The following KALRN variants were observed in gnomAD, a reference collection of about 807,000 sequenced individuals.
The protein encoded by KALRN is kalirin RhoGEF kinase, also known as kalirin.
In KALRN, 70 loss-of-function variants were observed where a neutral mutation model predicts 353.7. The observed-to-expected ratio is 0.20, with a 90% CI of 0.16 to 0.24. The LOEUF (loss-of-function observed/expected upper bound fraction) is 0.24. KALRN is among the 10% of genes least tolerant of loss of function. The pLI is 1.00. For missense variants in KALRN, 2,791 were observed against 3,756.7 expected (o/e 0.74, Z 6.72); for synonymous variants, 1,391 against 1,434.8 (o/e 0.97, Z 0.69).
chr3:124,425,154 G>A (rs995340451), intron 15 of KALRN, among the ~76,000 whole-genome samples: 3 of 152,154 alleles, frequency 2.0e-5, no homozygotes, highest in Admixed American at 6.6e-5. Context: ...ATAAAGAGAG[G>A]TTGGTTAATG....
chr3:124,298,022 C>G (rs1407629290), intron 5 of KALRN, among the ~76,000 whole-genome samples: 3 of 152,210 alleles, frequency 2.0e-5, no homozygotes, highest in Non-Finnish European at 2.9e-5. Context: ...ATTCTTATAT[C>G]TGAGACAATC....
intron 1 of KALRN, among the ~76,000 whole-genome samples, chr3:124,212,484 A>T (rs765113708): frequency 3.9e-5 from 6 of 152,200 alleles, no homozygotes; most frequent in East Asian, 1.9e-4. Flanking sequence ...TATTTAATTT[A>T]TACCTATTTC....
At chr3:124,128,238 A>G (rs2064902427) in intron 1 of KALRN, among the ~76,000 whole-genome samples, 2 of 152,184 alleles carry the variant, frequency 1.3e-5, no homozygotes, top group African/African-American at 4.8e-5. Context: ...TTATCAGTGG[A>G]ATAAGATCAG....
chr3:124,718,509 A>G (rs924782245), intron 59 of KALRN, among the ~76,000 whole-genome samples: 2 of 152,204 alleles, frequency 1.3e-5, no homozygotes, highest in African/African-American at 2.4e-5. Flanking sequence ...CAGAGCCACA[A>G]TGACATCTGG....
At chr3:124,325,139 G>A (rs1373889286) in intron 6 of KALRN, among the ~76,000 whole-genome samples, 1 of 152,114 alleles carries the variant, frequency 6.6e-6, no homozygotes, top group African/African-American at 2.4e-5. Flanking sequence ...CAGCATACAT[G>A]TTCATGAATT....
chr3:124,224,095 A>G (rs1404616921), intron 1 of KALRN, among the ~76,000 whole-genome samples: 1 of 151,892 alleles, frequency 6.6e-6, no homozygotes. Flanking sequence ...GTCCTTAAGA[A>G]GAGGCACAAC....
At chr3:124,178,532 C>T (rs2073107219) in intron 1 of KALRN, among the ~76,000 whole-genome samples, 1 of 152,126 alleles carries the variant, frequency 6.6e-6, no homozygotes, top group Admixed American at 6.5e-5. Context: ...GGCTACAGAC[C>T]TGTGTAGCAT....
chr3:124,319,048 G>A (rs1435155661), intron 6 of KALRN, among the ~76,000 whole-genome samples: 3 of 151,994 alleles, frequency 2.0e-5, no homozygotes, highest in Non-Finnish European at 4.4e-5. Context: ...TCTACTATAT[G>A]TAAATTGTAC....
rs184371766 is a variant in KALRN at position 124,201,316 on chromosome 3, C to T, written c.74-26674C>T. ...TAGGATTCTGAAGTCTGGGAAGTCCCGGCTGAACTTGGGCTCAGAAGCTGG... is the reference window on the plus strand; with the variant it reads ...TAGGATTCTGAAGTCTGGGAAGTCCTGGCTGAACTTGGGCTCAGAAGCTGG... On this transcript the variant is annotated intron_variant, in intron 1 of 59. Coordinates refer to ENST00000682506, the MANE Select transcript of KALRN (RefSeq NM_001388419.1). Among the ~76,000 whole-genome samples the T allele has an allele frequency of 8.9e-4, 135 of 152,308 alleles. 1 individual carries two copies. Among genetic ancestry groups the T allele is most frequent in the African/African-American group, 2.9e-3 (122 of 41,568 alleles).
intron 1 of KALRN, among the ~76,000 whole-genome samples, chr3:124,083,629 C>T (rs1230351347): frequency 1.3e-5 from 2 of 152,160 alleles, no homozygotes; most frequent in East Asian, 1.9e-4. Context: ...TTACAGAAAA[C>T]GGAGGCACAA....
intron 1 of KALRN, among the ~76,000 whole-genome samples, chr3:124,176,872 G>A (rs567061263): frequency 2.6e-5 from 4 of 152,302 alleles, no homozygotes; most frequent in African/African-American, 9.6e-5. Context: ...CAGACTGTTG[G>A]TGTTGGGAGG....
chr3:124,384,652 G>C (rs2087921549), intron 10 of KALRN, 193 bp from the exon 11 acceptor site: 3 of 495,962 alleles, frequency 6.0e-6, no homozygotes, highest in African/African-American at 3.9e-5. Flanking sequence ...GAGGCACCTA[G>C]CTGGTGCCCG....
chr3:124,410,237 T>A (rs752244463), intron 13 of KALRN: 1 of 533,314 alleles, frequency 1.9e-6, no homozygotes, highest in South Asian at 1.4e-5. Context: ...CTCCATAGAT[T>A]CCTGGCTATG....
At chr3:124,228,630 C>T (rs1241339965) in intron 2 of KALRN, among the ~76,000 whole-genome samples, 1 of 152,140 alleles carries the variant, frequency 6.6e-6, no homozygotes, top group African/African-American at 2.4e-5. Context: ...GGGCCATCCA[C>T]CAGTTTTTAT....
chr3:124,395,620 CA>C (rs1206806392), intron 12 of KALRN: 46 of 401,748 alleles, frequency 1.1e-4, no homozygotes, highest in South Asian at 5.3e-4. Flanking sequence ...TAACAAAAGA[CA>C]AAAAAAACAA....
At chr3:124,360,362 G>A (rs2083894726) in intron 10 of KALRN, among the ~76,000 whole-genome samples, 1 of 152,224 alleles carries the variant, frequency 6.6e-6, no homozygotes, top group Non-Finnish European at 1.5e-5. Context: ...ATGTCACTGG[G>A]CTGGAGCTGA....
chr3:124,594,435 A>C (rs916624764), intron 34 of KALRN, among the ~76,000 whole-genome samples: 5 of 152,224 alleles, frequency 3.3e-5, no homozygotes, highest in African/African-American at 4.8e-5. Flanking sequence ...CATGTTGGCC[A>C]GGATGGTCTC....
At chr3:124,278,734 A>G (rs6790308) in intron 5 of KALRN, among the ~76,000 whole-genome samples, 29,888 of 152,070 alleles carry the variant, frequency 0.2, 3,029 homozygotes, top group South Asian at 0.3. Flanking sequence ...CAAAGTATCC[A>G]CTTCTATTTC....
rs1578668665 is a variant in KALRN, at chr3:124,152,174, A to T, written c.74-75816A>T. On this transcript the variant is annotated intron_variant, in intron 1 of 59. Transcript: ENST00000682506. ...GATGATGCAAGAGATCGAACAATCA[A>T]AGTGTTATCTGTCAAAGCAATTCGC... is the stretch of plus-strand genomic sequence containing the variant. 6 of 1,524,622 alleles carry T rather than the reference A, an allele frequency of 3.9e-6. No individual in the cohort carries two copies. The South Asian group carries it at 6.7e-5, about 17-fold the overall frequency. 94.4% of individuals were successfully genotyped at this position (1,524,622 alleles called of 1,614,324 possible).
Sources: gnomAD v4.1 joint callset for allele counts (sites outside exome capture counted in the v4.1 genomes callset) on GRCh38, gnomAD v4.1.1 for gene constraint, MANE v1.5 for transcripts, NCBI Gene and HGNC (gene_info 2026-07-23, HGNC 2026-07-21) for gene names.